The following PPIC variants were observed in gnomAD, a reference collection of about 807,000 sequenced individuals.
The protein encoded by PPIC is peptidylprolyl isomerase C.
In PPIC, 19 loss-of-function variants were observed where a neutral mutation model predicts 19.5. That is an observed-to-expected ratio of 0.98 (90% CI 0.68 to 1.43). The LOEUF is 1.43. PPIC is among the 40% of genes most tolerant of loss of function. The pLI, the probability that PPIC is intolerant of heterozygous loss-of-function variation, is 0.00. For synonymous variants in PPIC, 107 were observed against 101.2 expected, an observed-to-expected ratio of 1.06 and a Z score of -0.34; for missense variants, 268 against 268.6, an observed-to-expected ratio of 1.00 and a Z score of 0.02.
intron 3 of PPIC, among the ~76,000 whole-genome samples, chr5:123,028,312 A>T (rs1158981134): frequency 1.3e-5 from 2 of 152,204 alleles, no homozygotes; most frequent in Non-Finnish European, 2.9e-5. Context: ...ATGATGAAAG[A>T]TTTTGAAAGA....
intron 3 of PPIC, among the ~76,000 whole-genome samples, chr5:123,026,376 G>T (rs1404575789): frequency 6.6e-6 from 1 of 152,130 alleles, no homozygotes; most frequent in African/African-American, 2.4e-5. Context: ...GCTCAGGACA[G>T]TCCTGTGACT....
At chr5:123,026,974 C>T (rs964797946) in intron 3 of PPIC, among the ~76,000 whole-genome samples, 3 of 152,126 alleles carry the variant, frequency 2.0e-5, no homozygotes, top group African/African-American at 7.2e-5. Flanking sequence ...GCGGGCAGAT[C>T]GCAAGGCCAG....
chr5:123,029,466 A>T lies in PPIC; in HGVS notation c.118-48T>A, dbSNP rs551481209. On this transcript the variant is annotated intron_variant, in intron 1 of 4. Transcript: ENST00000306442. ...GTGGAAGGTTATAAGGTGGAAAAGC[A>T]CAAATACAAGGTAAGTCAAAATTAA... The T allele has an allele frequency of 2.5e-5, 38 of 1,503,852 alleles. No individual in the cohort carries two copies. In the South Asian group the frequency reaches 4.7e-4, roughly 19 times the overall value. 93.2% of individuals were successfully genotyped at this position (1,503,852 alleles called of 1,614,324 possible). A position where few individuals can be genotyped will look rare whatever the true frequency, so the allele number is the denominator to read the frequency against.
At chr5:123,027,729 T>C (rs760307944) in intron 3 of PPIC, among the ~76,000 whole-genome samples, 1 of 152,204 alleles carries the variant, frequency 6.6e-6, no homozygotes, top group Non-Finnish European at 1.5e-5. Flanking sequence ...GAAATAGTGC[T>C]TGAAAATGGC....
At chr5:123,030,981 T>A (rs750458565) in intron 1 of PPIC, among the ~76,000 whole-genome samples, 15 of 152,194 alleles carry the variant, frequency 9.9e-5, no homozygotes, top group African/African-American at 1.9e-4. Flanking sequence ...GAGAGCAGCA[T>A]GAGCAGATGA....
intron 2 of PPIC, 84 bp from the exon 3 acceptor site, chr5:123,028,952 T>A: frequency 8.3e-7 from 1 of 1,212,116 alleles, no homozygotes; most frequent in Non-Finnish European, 1.2e-6. Flanking sequence ...AAGGACAAAC[T>A]GAGAAAATTA....
chr5:123,028,939 A>G (rs998501507), intron 2 of PPIC, 71 bp from the exon 3 acceptor site: 1 of 1,296,954 alleles, frequency 7.7e-7, no homozygotes, highest in African/African-American at 1.5e-5. Flanking sequence ...GTGTTGATCT[A>G]GAAAGGACAA....
chr5:123,024,583 G>A (rs1252109795), intron 4 of PPIC, among the ~76,000 whole-genome samples: 1 of 152,222 alleles, frequency 6.6e-6, no homozygotes, highest in Non-Finnish European at 1.5e-5. Flanking sequence ...GGCTTCACAA[G>A]CCCAACAGTA....
chr5:123,026,539 G>A (rs1381533135), intron 3 of PPIC, among the ~76,000 whole-genome samples: 2 of 152,228 alleles, frequency 1.3e-5, no homozygotes, highest in African/African-American at 4.8e-5. Context: ...GAAAATAGCA[G>A]AGCAGAATTT....
In PPIC at chr5:123,033,897, T is replaced by C. The variant is rs192300307; in HGVS notation, c.117+2612A>G. Reference sequence around the variant, plus strand: ...CCTGCACAGATCCCATGGCATTGGTTCAGAAATATAGGTCAGCAAATGTAA... The same window carrying C: ...CCTGCACAGATCCCATGGCATTGGTCCAGAAATATAGGTCAGCAAATGTAA... On this transcript the variant is annotated intron_variant, in intron 1 of 4. Transcript: ENST00000306442. 2.9e-3 allele frequency among the ~76,000 whole-genome samples: 438 copies of C among 152,324 alleles called. 1 individual carries two copies. Among genetic ancestry groups the C allele is most frequent in the Middle Eastern group, 0.017 (5 of 294 alleles).
chr5:123,034,514 A>T (rs1762979747), intron 1 of PPIC, among the ~76,000 whole-genome samples: 1 of 151,994 alleles, frequency 6.6e-6, no homozygotes, highest in African/African-American at 2.4e-5. Context: ...GAATCACCAA[A>T]AGCTTCTAAA....
Position 123,036,481 on chromosome 5 carries a change from G to C in PPIC, c.117+28C>G, listed in dbSNP as rs777344283. ...CCCCAGGGCCCCGCCCGCAACAGGGGAAGTTGCAGCCCGCCGCTCTCGGTC... is the reference window on the plus strand; with the variant it reads ...CCCCAGGGCCCCGCCCGCAACAGGGCAAGTTGCAGCCCGCCGCTCTCGGTC... On this transcript the variant is annotated intron_variant, in intron 1 of 4. Coordinates refer to ENST00000306442, the MANE Select transcript of PPIC (RefSeq NM_000943.5). The surrounding 1 kb of genome is among the most constrained non-coding windows in gnomAD (Gnocchi z 4.5). 6.3e-6 allele frequency: 10 copies of C among 1,578,778 alleles called. No homozygotes were observed. Among genetic ancestry groups the C allele is most frequent in the Non-Finnish European group, 5.2e-6 (6 of 1,155,622 alleles).
chr5:123,032,473 C>G (rs1156248352), intron 1 of PPIC, among the ~76,000 whole-genome samples: 1 of 152,100 alleles, frequency 6.6e-6, no homozygotes, highest in Non-Finnish European at 1.5e-5. Flanking sequence ...CAGGAGGAGG[C>G]AGTCAAGAAA....
At chr5:123,032,785 GGGT>G (rs1419201611) in intron 1 of PPIC, among the ~76,000 whole-genome samples, 1 of 152,188 alleles carries the variant, frequency 6.6e-6, no homozygotes, top group Non-Finnish European at 1.5e-5. Context: ...TCATGGTAAG[GGGT>G]GGTGATTATC....
At chr5:123,035,855 T>C (rs1348487235) in intron 1 of PPIC, among the ~76,000 whole-genome samples, 1 of 151,962 alleles carries the variant, frequency 6.6e-6, no homozygotes, top group Non-Finnish European at 1.5e-5. Context: ...CAGTGGAGGC[T>C]GCCCCAGGTC....
rs1762813353 is a variant in PPIC, at chr5:123,024,031, T to C, written c.511-28A>G. 3 of 1,603,408 alleles carry C rather than the reference T, an allele frequency of 1.9e-6. No individual in the cohort carries two copies. In the Admixed American group the frequency reaches 5.1e-5, roughly 27 times the overall value. ...GGTGAGAGAAAAGTAGACACATGGT[T>C]TAATTCTGACCAGCAGCTATAGCAA... is the stretch of plus-strand genomic sequence containing the variant. On this transcript the variant is annotated intron_variant, in intron 4 of 4. Transcript: ENST00000306442.
Position 123,023,751 on chromosome 5 carries a change from G to GGAT in PPIC, c.*121_*123dup, listed in dbSNP as rs1762800145. The GGAT allele has an allele frequency of 7.3e-7, 1 of 1,364,116 alleles. No homozygotes were observed. The highest frequency in any genetic ancestry group is 9.6e-7 in the Non-Finnish European group (1 of 1,038,844). 84.5% of individuals were successfully genotyped at this position (1,364,116 alleles called of 1,614,324 possible). ...ATTTTTATAACTTTCCTGTGATCTG[G>GGAT]GATAGAATACAAAAAGAAAGTAAAA... On this transcript the variant is annotated 3_prime_UTR_variant, in exon 5 of 5. Transcript: ENST00000306442.
At chr5:123,034,153 T>C (rs748770873) in intron 1 of PPIC, among the ~76,000 whole-genome samples, 5 of 152,294 alleles carry the variant, frequency 3.3e-5, no homozygotes, top group Non-Finnish European at 7.3e-5. Flanking sequence ...ACTAGAGCAA[T>C]GGCCAATTAA....
chr5:123,031,064 T>C (rs1762933849), intron 1 of PPIC, among the ~76,000 whole-genome samples: 1 of 151,884 alleles, frequency 6.6e-6, no homozygotes, highest in African/African-American at 2.4e-5. Flanking sequence ...CTAGCACACA[T>C]ATTATTATAA....
Sources: allele counts gnomAD v4.1 joint callset (sites outside exome capture counted in the v4.1 genomes callset), GRCh38; gene constraint gnomAD v4.1.1; non-coding constraint Gnocchi (gnomAD v3.1); transcripts MANE v1.5; gene names NCBI Gene and HGNC (gene_info 2026-07-23, HGNC 2026-07-21).